The following LRRIQ1 variants were observed in gnomAD, a reference collection of about 807,000 sequenced individuals.
LRRIQ1 encodes the protein leucine-rich repeat- and IQ domain-containing protein 1.
LRRIQ1 carries 210 observed loss-of-function variants against 211.9 expected under a neutral mutation model. That is an observed-to-expected ratio of 0.99 (90% CI 0.89 to 1.11). The LOEUF (loss-of-function observed/expected upper bound fraction) is 1.11, where lower values mean the gene tolerates loss of function less well. Among genes scored for constraint, LRRIQ1 ranks in the 50% most tolerant of loss-of-function variants. The probability of loss-of-function intolerance (pLI) is 0.00; values close to 1 mark genes in which losing one functional copy is unlikely to be tolerated. For synonymous variants in LRRIQ1, 699 were observed against 650.1 expected (o/e 1.08, Z -1.14); for missense variants, 2,136 against 1,939.5 (o/e 1.10, Z -1.90).
chr12:85,138,004 T>A, intron 19 of LRRIQ1, 35 bp downstream of exon 19: 2 of 1,174,836 alleles, frequency 1.7e-6, no homozygotes, highest in Admixed American at 2.4e-5. Flanking sequence ...ATATTGGTCT[T>A]AAAATACATT....
chr12:85,119,161 T>C (rs1887798448), intron 15 of LRRIQ1, among the ~76,000 whole-genome samples: 1 of 152,168 alleles, frequency 6.6e-6, no homozygotes, highest in South Asian at 2.1e-4. Context: ...GTGCTTTGCC[T>C]ATTCATCTCT....
intron 6 of LRRIQ1, among the ~76,000 whole-genome samples, chr12:85,050,880 A>G (rs974311912): frequency 6.6e-6 from 1 of 152,130 alleles, no homozygotes; most frequent in Non-Finnish European, 1.5e-5. Context: ...ATTTGTGGCA[A>G]TTTCATGTTT....
chr12:85,101,492 AATTT>A (rs1234536689), intron 13 of LRRIQ1, among the ~76,000 whole-genome samples: 4 of 151,758 alleles, frequency 2.6e-5, no homozygotes, highest in African/African-American at 9.7e-5. Context: ...TCGTCTTTGA[AATTT>A]ATATCTTTTT....
chr12:85,058,241 A>C (rs1480633798), intron 8 of LRRIQ1, among the ~76,000 whole-genome samples: 4 of 151,948 alleles, frequency 2.6e-5, no homozygotes, highest in Non-Finnish European at 5.9e-5. Flanking sequence ...TGGGACATAC[A>C]CTTTTAAGTG....
chr12:85,212,074 C>T (rs1893862199), intron 24 of LRRIQ1, among the ~76,000 whole-genome samples: 1 of 151,862 alleles, frequency 6.6e-6, no homozygotes, highest in South Asian at 2.1e-4. Flanking sequence ...TGAGACTAGC[C>T]AGGGCAACAT....
chr12:85,154,899 C>T (rs1403992513), intron 23 of LRRIQ1, among the ~76,000 whole-genome samples: 1 of 151,052 alleles, frequency 6.6e-6, no homozygotes, highest in African/African-American at 2.4e-5. Context: ...TAAATGTATA[C>T]TTTTCCTATA....
intron 8 of LRRIQ1, among the ~76,000 whole-genome samples, chr12:85,058,059 TAAACAAAG>T (rs1271761973): frequency 6.6e-6 from 1 of 151,986 alleles, no homozygotes; most frequent in African/African-American, 2.4e-5. Context: ...GGTTGACTAA[TAAACAAAG>T]AAAACCCAGT....
intron 24 of LRRIQ1, among the ~76,000 whole-genome samples, chr12:85,186,692 G>A (rs184800992): frequency 4.6e-5 from 7 of 152,092 alleles, no homozygotes; most frequent in East Asian, 1.9e-4. Context: ...TAATTTATTA[G>A]TTCTTAGAAT....
At chr12:85,131,382 C>A (rs1888749857) in intron 18 of LRRIQ1, among the ~76,000 whole-genome samples, 1 of 152,000 alleles carries the variant, frequency 6.6e-6, no homozygotes, top group African/African-American at 2.4e-5. Flanking sequence ...GGCTTGTTTA[C>A]TCTCAGTGTT....
At chr12:85,187,559 C>A (rs1420849624) in intron 24 of LRRIQ1, among the ~76,000 whole-genome samples, 3 of 152,060 alleles carry the variant, frequency 2.0e-5, no homozygotes, top group Non-Finnish European at 4.4e-5. Context: ...GTAATCCCAG[C>A]ACTTTGGGAG....
intron 9 of LRRIQ1, among the ~76,000 whole-genome samples, chr12:85,066,209 AG>A (rs1352089049): frequency 6.6e-6 from 1 of 151,786 alleles, no homozygotes; most frequent in East Asian, 1.9e-4. Flanking sequence ...AATACACCAA[AG>A]TATCATTAAC....
At position 85,076,621 on chromosome 12, in the gene LRRIQ1, T is replaced by C. The variant is rs1378306123; in HGVS notation, c.2887+3523T>C. Reference sequence around the variant, plus strand: ...AAATATGAAAGATATGGAAATAATTTAACATTTTCACATAGGCTTGATTGC... The same window carrying C: ...AAATATGAAAGATATGGAAATAATTCAACATTTTCACATAGGCTTGATTGC... On this transcript the variant is annotated intron_variant, in intron 11 of 26. Transcript: ENST00000393217. The C allele has an allele frequency of 1.5e-5, 11 of 723,020 alleles. No individual in the cohort carries two copies. In the East Asian group the frequency reaches 9.2e-4, roughly 61 times the overall value. The allele number at this position is 723,020 out of a possible 1,614,324, so 44.8% of individuals were successfully genotyped here. A position where few individuals can be genotyped will look rare whatever the true frequency, so the allele number is the denominator to read the frequency against.
At chr12:85,190,262 T>C (rs1892437479) in intron 24 of LRRIQ1, among the ~76,000 whole-genome samples, 1 of 145,294 alleles carries the variant, frequency 6.9e-6, no homozygotes, top group Non-Finnish European at 1.5e-5. Flanking sequence ...ATATTAACTG[T>C]AACTACACAG....
At position 85,195,932 on chromosome 12, in the gene LRRIQ1, G is replaced by A. The variant is rs537331653; in HGVS notation, c.4823-33585G>A. Among the ~76,000 whole-genome samples, 1,357 of 151,590 alleles carry A rather than the reference G, an allele frequency of 9.0e-3. 20 individuals carry two copies. Among genetic ancestry groups the A allele is most frequent in the African/African-American group, 0.032 (1,306 of 41,390 alleles). On this transcript the variant is annotated intron_variant, in intron 24 of 26. Transcript: ENST00000393217. ...GATTGTATATCTAGAAAACCCCATC[G>A]TCTCAGCCCAAAATCTCCTTAAGCT...
At chr12:85,252,948 T>G (rs1434460093) in intron 1 of LRRIQ1, among the ~76,000 whole-genome samples, 4 of 151,996 alleles carry the variant, frequency 2.6e-5, no homozygotes, top group Admixed American at 1.3e-4. Flanking sequence ...GGGCAGTCTC[T>G]GTACCTTATG....
chr12:85,255,163 C>T (rs1423745150), intron 1 of LRRIQ1, among the ~76,000 whole-genome samples: 2 of 151,638 alleles, frequency 1.3e-5, no homozygotes, highest in Non-Finnish European at 3.0e-5. Flanking sequence ...GCAATAAGCA[C>T]ATAATACTCT....
chr12:85,197,426 C>G (rs1195369792), intron 24 of LRRIQ1, among the ~76,000 whole-genome samples: 19 of 151,476 alleles, frequency 1.3e-4, no homozygotes, highest in Admixed American at 6.6e-4. Context: ...TTGGAACCAA[C>G]CCAAATGTCC....
intron 24 of LRRIQ1, among the ~76,000 whole-genome samples, chr12:85,184,552 A>G (rs373683630): frequency 4.6e-5 from 7 of 152,176 alleles, no homozygotes; most frequent in South Asian, 2.1e-4. Flanking sequence ...AGCAGTAACT[A>G]CAAAAGACCT....
At chr12:85,178,009 G>A (rs1486053476) in intron 24 of LRRIQ1, among the ~76,000 whole-genome samples, 1 of 152,102 alleles carries the variant, frequency 6.6e-6, no homozygotes, top group Non-Finnish European at 1.5e-5. Flanking sequence ...GAGATGTTGT[G>A]AGGAGTGAGA....
Sources: gnomAD v4.1 joint callset for allele counts (sites outside exome capture counted in the v4.1 genomes callset) on GRCh38, gnomAD v4.1.1 for gene constraint, MANE v1.5 for transcripts, NCBI Gene and HGNC (gene_info 2026-07-23, HGNC 2026-07-21) for gene names.